USP3: variants seen among roughly 807,000 people sequenced by gnomAD.
The protein encoded by USP3 is ubiquitin carboxyl-terminal hydrolase 3.
USP3 carries 20 observed loss-of-function variants against 72.3 expected under a neutral mutation model. The observed-to-expected ratio is 0.28, with a 90% CI of 0.19 to 0.40. The LOEUF is 0.40. Among genes scored for constraint, USP3 ranks in the 10% least tolerant of loss-of-function variants. The probability of loss-of-function intolerance (pLI) is 1.00; values close to 1 mark genes in which losing one functional copy is unlikely to be tolerated. For missense variants in USP3, 479 were observed against 633.9 expected (o/e 0.76, Z 2.62); for synonymous variants, 222 against 225.3 (o/e 0.99, Z 0.13).
At chr15:63,582,930 A>G (rs1410621618) in intron 11 of USP3, among the ~76,000 whole-genome samples, 4 of 152,198 alleles carry the variant, frequency 2.6e-5, no homozygotes, top group African/African-American at 9.7e-5. Context: ...AAATGTTGAT[A>G]GATTCTTTCA....
chr15:63,547,743 AGGGAGGGAGGGAGGGAGG>A (rs368759573), intron 3 of USP3, among the ~76,000 whole-genome samples: 207 of 7,578 alleles, frequency 0.027, no homozygotes, highest in Middle Eastern at 0.2. Flanking sequence ...AGAGAGAGAG[AGGGAGGGAGGGAGGGAGG>A]GAGAGAGAGA....
chr15:63,587,114 T>C (rs1028643746), intron 11 of USP3, among the ~76,000 whole-genome samples: 2 of 152,050 alleles, frequency 1.3e-5, no homozygotes, highest in East Asian at 3.8e-4. Context: ...TTTAATATAT[T>C]ATTTAAAGAT....
intron 1 of USP3, among the ~76,000 whole-genome samples, chr15:63,511,126 T>A (rs546734772): frequency 1.4e-4 from 21 of 151,904 alleles, no homozygotes; most frequent in Non-Finnish European, 3.1e-4. Flanking sequence ...TAATTAATTA[T>A]TCATCCTTGT....
Position 63,574,269 on chromosome 15 carries a change from G to A in USP3, c.1016-54G>A, listed in dbSNP as rs2066825548. ...ATACATCAGTTTGTGAAATTATTTT[G>A]AATGGACATATATGCCTTTAACAGC... On this transcript the variant is annotated intron_variant, in intron 10 of 14. Coordinates refer to ENST00000380324, the MANE Select transcript of USP3 (RefSeq NM_006537.4). This position sits in a 1 kb window ranked among gnomAD's most constrained non-coding sequence, Gnocchi z 4.6. 4 of 1,475,026 alleles carry A rather than the reference G, an allele frequency of 2.7e-6. No individual in the cohort carries two copies. The highest frequency in any genetic ancestry group is 1.8e-6 in the Non-Finnish European group (2 of 1,102,116). 91.4% of individuals were successfully genotyped at this position (1,475,026 alleles called of 1,614,324 possible). A position where few individuals can be genotyped will look rare whatever the true frequency, so the allele number is the denominator to read the frequency against.
At chr15:63,560,435 G>A (rs1459315569) in intron 7 of USP3, among the ~76,000 whole-genome samples, 2 of 145,310 alleles carry the variant, frequency 1.4e-5, no homozygotes, top group Non-Finnish European at 3.1e-5. Context: ...AAAAAAAATT[G>A]TTGGGATTCC....
intron 3 of USP3, among the ~76,000 whole-genome samples, chr15:63,538,692 C>A (rs1033737035): frequency 6.6e-6 from 1 of 151,856 alleles, no homozygotes; most frequent in Non-Finnish European, 1.5e-5. Flanking sequence ...ACTATAGGCA[C>A]CTGCCACCAC....
At chr15:63,517,063 T>C (rs1383576075) in intron 1 of USP3, among the ~76,000 whole-genome samples, 6 of 151,988 alleles carry the variant, frequency 3.9e-5, no homozygotes, top group Non-Finnish European at 7.4e-5. Flanking sequence ...TATTATACTT[T>C]AAGTTTTAGG....
At chr15:63,555,692 A>T (rs1339573364) in intron 4 of USP3, among the ~76,000 whole-genome samples, 1 of 152,212 alleles carries the variant, frequency 6.6e-6, no homozygotes, top group African/African-American at 2.4e-5. Context: ...CCCACTTCAC[A>T]GAATTTGTGA....
intron 1 of USP3, among the ~76,000 whole-genome samples, chr15:63,527,535 C>T (rs867382559): frequency 2.0e-5 from 3 of 152,236 alleles, no homozygotes; most frequent in Non-Finnish European, 4.4e-5. Context: ...TTTAGAATTC[C>T]AGACTTGTTG....
chr15:63,532,714 G>A lies in USP3; in HGVS notation c.152+7G>A. On this transcript the variant is annotated splice_region_variant and intron_variant, in intron 2 of 14. Transcript: ENST00000380324. ...CAAGTGTCCACTGTGGAAGGTAGGT[G>A]ACATACTTATTACTTCACTGACCTA... 2.5e-6 allele frequency: 4 copies of A among 1,613,818 alleles called. No individual in the cohort carries two copies. The highest frequency in any genetic ancestry group is 3.4e-6 in the Non-Finnish European group (4 of 1,179,826).
intron 1 of USP3, among the ~76,000 whole-genome samples, chr15:63,516,714 C>T (rs2065854839): frequency 6.6e-6 from 1 of 151,694 alleles, no homozygotes; most frequent in South Asian, 2.1e-4. Context: ...ATTCTTTTTC[C>T]TATAATTCTT....
intron 8 of USP3, among the ~76,000 whole-genome samples, chr15:63,565,375 T>C (rs1432753416): frequency 2.6e-5 from 4 of 152,198 alleles, no homozygotes; most frequent in Admixed American, 2.6e-4. Context: ...CCAACATACA[T>C]ATGTACTTAC....
chr15:63,590,161 G>A (rs1376246408), intron 14 of USP3, among the ~76,000 whole-genome samples: 1 of 152,064 alleles, frequency 6.6e-6, no homozygotes, highest in East Asian at 1.9e-4. Flanking sequence ...ATGATGAGAT[G>A]GATCTTTATT....
chr15:63,584,205 C>T (rs1340618497), intron 11 of USP3, among the ~76,000 whole-genome samples: 1 of 147,228 alleles, frequency 6.8e-6, no homozygotes, highest in Non-Finnish European at 1.5e-5. Context: ...TCACGCCATT[C>T]TCCTGCCTCA....
At chr15:63,589,776 TACTC>T (rs751220532) in intron 14 of USP3, among the ~76,000 whole-genome samples, 1 of 149,360 alleles carries the variant, frequency 6.7e-6, no homozygotes, top group Non-Finnish European at 1.5e-5. Context: ...ATGTCTTAAA[TACTC>T]TAATGATTTC....
rs544492383 is a variant in USP3 at position 63,570,848 on chromosome 15, C to A, written c.908+269C>A. ...TTTGAAAAAATAGAAAATATTTGTA[C>A]AGTTCAGCATTTAGAAGATTTCCTC... On this transcript the variant is annotated intron_variant, in intron 9 of 14. Coordinates refer to ENST00000380324, the MANE Select transcript of USP3 (RefSeq NM_006537.4). The surrounding 1 kb of genome is among the most constrained non-coding windows in gnomAD (Gnocchi z 4.4). Among the ~76,000 whole-genome samples the A allele has an allele frequency of 9.2e-4, 140 of 152,262 alleles. 1 individual carries two copies. The highest frequency in any genetic ancestry group is 3.2e-3 in the African/African-American group (133 of 41,538).
chr15:63,562,886 C>T lies in USP3; in HGVS notation c.648-9C>T. 1 of 1,594,822 alleles carries T rather than the reference C, an allele frequency of 6.3e-7. No homozygotes were observed. Among genetic ancestry groups the T allele is most frequent in the South Asian group, 1.2e-5 (1 of 86,740 alleles). On this transcript the variant is annotated splice_polypyrimidine_tract_variant and intron_variant, in intron 7 of 14. Transcript: ENST00000380324. ...TAATCTGAGGGCACTGTCCTTTCCT[C>T]TTTTGCAGGTCTTTGGTAGAAGAGT...
At position 63,574,054 on chromosome 15, in the gene USP3, C is replaced by A. The variant is rs764701879; in HGVS notation, c.917C>A (p.Ala306Glu). 20 of 1,577,332 alleles carry A rather than the reference C, an allele frequency of 1.3e-5. No homozygotes were observed. Among genetic ancestry groups the A allele is most frequent in the Middle Eastern group, 1.7e-4 (1 of 5,968 alleles). Residue 306 changes from alanine (A) to glutamate (E), a missense_variant, in exon 10 of 15, where the codon GCA becomes GAA. Coordinates refer to ENST00000380324, the MANE Select transcript of USP3 (RefSeq NM_006537.4). This position sits in a 1 kb window ranked among gnomAD's most constrained non-coding sequence, Gnocchi z 4.6. Reference protein sequence around the residue: ...SASNKCCINGASTVVTAIFGG... With the variant: ...SASNKCCINGESTVVTAIFGG... Reference sequence around the variant, plus strand: ...GTGGTGATTTTGTTTAGAAATGGAGCATCTACTGTTGTCACGGCTATATTC... The same window carrying A: ...GTGGTGATTTTGTTTAGAAATGGAGAATCTACTGTTGTCACGGCTATATTC...
Position 63,544,671 on chromosome 15 carries a change from G to A in USP3, c.284+7515G>A, listed in dbSNP as rs1043787134. 3 of 700,856 alleles carry A rather than the reference G, an allele frequency of 4.3e-6. No individual in the cohort carries two copies. Among genetic ancestry groups the A allele is most frequent in the African/African-American group, 3.5e-5 (2 of 57,192 alleles). The allele number at this position is 700,856 out of a possible 1,614,324, so 43.4% of individuals were successfully genotyped here. ...AATGTAAAGATGGAGATGACCGAAT[G>A]AGGAATATTGTTTTGCCATTAAATA... is the stretch of plus-strand genomic sequence containing the variant. On this transcript the variant is annotated intron_variant, in intron 3 of 14. Transcript: ENST00000380324. The surrounding 1 kb of genome is among the most constrained non-coding windows in gnomAD (Gnocchi z 4.2).
Sources: gnomAD v4.1 joint callset for allele counts (sites outside exome capture counted in the v4.1 genomes callset) on GRCh38, gnomAD v4.1.1 for gene constraint, Gnocchi (gnomAD v3.1) non-coding constraint, MANE v1.5 for transcripts, NCBI Gene and HGNC (gene_info 2026-07-23, HGNC 2026-07-21) for gene names.